DPP6: variants seen among roughly 807,000 people sequenced by gnomAD.
DPP6 encodes A-type potassium channel modulatory protein DPP6.
In DPP6, 69 loss-of-function variants were observed where a neutral mutation model predicts 122.6. The ratio of observed to expected loss-of-function variants is 0.56; its 90% CI spans 0.46 to 0.69. The LOEUF (loss-of-function observed/expected upper bound fraction) is 0.69. DPP6 is among the 30% of genes least tolerant of loss of function. DPP6 has a pLI of 0.00. For synonymous variants in DPP6, 418 were observed against 433.1 expected, an observed-to-expected ratio of 0.97 and a Z score of 0.43; for missense variants, 928 against 1,116.9, an observed-to-expected ratio of 0.83 and a Z score of 2.41.
At chr7:154,568,428 G>A (rs1363613910) in intron 5 of DPP6, among the ~76,000 whole-genome samples, 1 of 152,216 alleles carries the variant, frequency 6.6e-6, no homozygotes, top group Non-Finnish European at 1.5e-5. Context: ...ACAGTGGGAT[G>A]GAGGTAATGA....
intron 1 of DPP6, among the ~76,000 whole-genome samples, chr7:154,014,403 C>G (rs887763487): frequency 2.7e-5 from 4 of 149,502 alleles, no homozygotes; most frequent in African/African-American, 7.5e-5. Flanking sequence ...GCCTGTAATC[C>G]CAGCACTTTG....
intron 4 of DPP6, among the ~76,000 whole-genome samples, chr7:154,562,250 G>T (rs1464994820): frequency 1.3e-5 from 2 of 152,050 alleles, no homozygotes; most frequent in Admixed American, 1.3e-4. Context: ...ATACATCACG[G>T]TCGAATAGCT....
At chr7:154,331,433 T>C (rs1437880179) in intron 1 of DPP6, among the ~76,000 whole-genome samples, 1 of 152,182 alleles carries the variant, frequency 6.6e-6, no homozygotes, top group East Asian at 1.9e-4. Context: ...CAGGAGAGTG[T>C]AGACAGGAAG....
chr7:154,203,835 G>A (rs1799297695), intron 1 of DPP6, among the ~76,000 whole-genome samples: 1 of 152,174 alleles, frequency 6.6e-6, no homozygotes. Flanking sequence ...CCCTCCTCAA[G>A]TCGTCTACAT....
In DPP6 at chr7:154,186,544, C is replaced by T. The variant is rs563609084; in HGVS notation, c.243+133481C>T. On this transcript the variant is annotated intron_variant, in intron 1 of 25. Transcript: ENST00000377770. The stretch of plus-strand genomic sequence containing the variant: ...ATCCTCTGAGAGATGTTCCTGCAGA[C>T]GCACAATGCACACAAGTGCACAGAG... Among the ~76,000 whole-genome samples the T allele has an allele frequency of 3.9e-5, 6 of 152,328 alleles. 1 individual carries two copies. Among genetic ancestry groups the T allele is most frequent in the Admixed American group, 2.0e-4 (3 of 15,306 alleles).
Position 154,172,294 on chromosome 7 carries a change from G to T in DPP6, c.243+119231G>T, listed in dbSNP as rs1213416599. On this transcript the variant is annotated intron_variant, in intron 1 of 25. Transcript: ENST00000377770. ...GGTGAATAAACAAATACATTAACAA[G>T]AAAATATCAAGGAGCGATAAGAGCC... Among the ~76,000 whole-genome samples the T allele has an allele frequency of 2.0e-5, 3 of 152,136 alleles. No individual in the cohort carries two copies. The East Asian group carries it at 5.8e-4, about 29-fold the overall frequency.
Position 154,836,887 on chromosome 7 carries a change from A to G in DPP6, c.1667-16893A>G, listed in dbSNP as rs544687006. 1.5e-4 allele frequency among the ~76,000 whole-genome samples: 23 copies of G among 152,206 alleles called. No individual in the cohort carries two copies. In the South Asian group the frequency reaches 4.4e-3, roughly 29 times the overall value. ...ACGCCCAGCTAATTTTTGTATTTTT[A>G]GTAGAGACAGGGTTTCATCATGTTG... On this transcript the variant is annotated intron_variant, in intron 16 of 25. Transcript: ENST00000377770.
chr7:154,213,068 C>A (rs887904810), intron 1 of DPP6, among the ~76,000 whole-genome samples: 1 of 152,260 alleles, frequency 6.6e-6, no homozygotes, highest in South Asian at 2.1e-4. Flanking sequence ...CTGCTGCTCT[C>A]GAAGGGCTGT....
chr7:154,761,452 C>T (rs1164362090), intron 8 of DPP6, among the ~76,000 whole-genome samples: 1 of 152,196 alleles, frequency 6.6e-6, no homozygotes, highest in African/African-American at 2.4e-5. Flanking sequence ...GAAAGCCATA[C>T]CACCCTGTGT....
chr7:154,366,646 C>T (rs940443472), intron 1 of DPP6, among the ~76,000 whole-genome samples: 6 of 152,080 alleles, frequency 3.9e-5, no homozygotes, highest in African/African-American at 1.2e-4. Flanking sequence ...TGGTAGGCAC[C>T]GCTGCTTAGG....
chr7:154,704,625 C>A (rs1840722065), intron 7 of DPP6, among the ~76,000 whole-genome samples: 1 of 152,220 alleles, frequency 6.6e-6, no homozygotes, highest in African/African-American at 2.4e-5. Flanking sequence ...AACATCAAGG[C>A]AACACCACCT....
chr7:153,972,049 A>G (rs39158), intron 1 of DPP6, among the ~76,000 whole-genome samples: 13,487 of 149,526 alleles, frequency 0.09, 1,028 homozygotes, highest in East Asian at 0.24. Context: ...TATTTTTCCT[A>G]TGTTCTTATT....
intron 1 of DPP6, among the ~76,000 whole-genome samples, chr7:153,948,625 AT>A (rs950508686): frequency 3.4e-5 from 5 of 146,108 alleles, no homozygotes; most frequent in Non-Finnish European, 6.0e-5. Flanking sequence ...TTTTATTTTT[AT>A]TTTTTTTAGG....
At chr7:154,757,345 T>G (rs887898908) in intron 8 of DPP6, among the ~76,000 whole-genome samples, 1 of 152,248 alleles carries the variant, frequency 6.6e-6, no homozygotes, top group South Asian at 2.1e-4. Context: ...GCCCTGCAAG[T>G]GTCTGCAAAT....
At chr7:154,575,137 ATGTGTATGTGTGTGTGGTCTG>A (rs1831476417) in intron 5 of DPP6, among the ~76,000 whole-genome samples, 1 of 90,138 alleles carries the variant, frequency 1.1e-5, no homozygotes, top group East Asian at 3.9e-4. Flanking sequence ...TGTGTGTGGT[ATGTGTATGTGTGTGTGGTCTG>A]TGTGTATGTG....
At chr7:154,260,754 A>T (rs1032256132) in intron 1 of DPP6, among the ~76,000 whole-genome samples, 9 of 147,904 alleles carry the variant, frequency 6.1e-5, no homozygotes, top group Non-Finnish European at 1.0e-4. Context: ...TATATATATT[A>T]TATATATTCT....
the DPP6 span, among the ~76,000 whole-genome samples, chr7:153,759,895 TTCTCTCTCTCTCTGTTTCTGTCTCTC>T: frequency 0.018 from 2,734 of 151,076 alleles, 25 homozygotes; most frequent in African/African-American, 0.034. Flanking sequence ...CTGCTTCCAC[TTCTCTCTCTCTCTGTTTCTGTCTCTC>T]TCTCTCTCTC....
chr7:154,731,826 T>A (rs1208411877), intron 8 of DPP6, among the ~76,000 whole-genome samples: 2 of 152,220 alleles, frequency 1.3e-5, no homozygotes, highest in African/African-American at 2.4e-5. Flanking sequence ...TTACTGAAGA[T>A]GAAGATTTTG....
chr7:154,492,237 T>C (rs1824337281), intron 3 of DPP6, among the ~76,000 whole-genome samples: 1 of 152,174 alleles, frequency 6.6e-6, no homozygotes, highest in African/African-American at 2.4e-5. Context: ...TGTAACACCT[T>C]GTATAGCACC....
Sources: gnomAD v4.1 joint callset for allele counts (sites outside exome capture counted in the v4.1 genomes callset) on GRCh38, gnomAD v4.1.1 for gene constraint, MANE v1.5 for transcripts, NCBI Gene and HGNC (gene_info 2026-07-23, HGNC 2026-07-21) for gene names.